TTBK2: variants seen among roughly 807,000 people sequenced by gnomAD.
TTBK2 encodes tau-tubulin kinase 2.
Under a neutral mutation model 110.8 loss-of-function variants are expected in TTBK2, and 28 were observed. That is an observed-to-expected ratio of 0.25 (90% CI 0.19 to 0.35). The LOEUF is 0.35. TTBK2 is among the 10% of genes least tolerant of loss of function. The pLI, the probability that TTBK2 is intolerant of heterozygous loss-of-function variation, is 1.00. For synonymous variants in TTBK2, 532 were observed against 527.3 expected, an observed-to-expected ratio of 1.01 and a Z score of -0.12; for missense variants, 1,369 against 1,500.3, an observed-to-expected ratio of 0.91 and a Z score of 1.45.
At chr15:42,891,691 C>T (rs915383740) in intron 1 of TTBK2, among the ~76,000 whole-genome samples, 1 of 152,096 alleles carries the variant, frequency 6.6e-6, no homozygotes, top group Non-Finnish European at 1.5e-5. Flanking sequence ...TCTGATTGTT[C>T]ATTTGTATCC....
In TTBK2 at chr15:42,751,961, CACA is replaced by C. The variant is rs2061871699; in HGVS notation, c.3272+10_3272+12del. ...TGTTACACACTTAACACAGGGAGAG[CACA>C]CAGCATTACCTGGCTTCTACTCCAG... On this transcript the variant is annotated intron_variant, in intron 14 of 14. Coordinates refer to ENST00000267890, the MANE Select transcript of TTBK2 (RefSeq NM_173500.4). 1 of 1,614,024 alleles carries C rather than the reference CACA, an allele frequency of 6.2e-7. No homozygotes were observed. Among genetic ancestry groups the C allele is most frequent in the African/African-American group, 1.3e-5 (1 of 75,024 alleles).
chr15:42,903,988 A>G (rs1290604080), intron 1 of TTBK2, among the ~76,000 whole-genome samples: 1 of 152,198 alleles, frequency 6.6e-6, no homozygotes, highest in East Asian at 1.9e-4. Context: ...ACCAATAGCT[A>G]GCAAGGAACT....
At chr15:42,841,757 G>C (rs77857425) in intron 3 of TTBK2, among the ~76,000 whole-genome samples, 2,474 of 152,182 alleles carry the variant, frequency 0.016, 67 homozygotes, top group African/African-American at 0.056. Flanking sequence ...AGATAAATCT[G>C]ACCAATATTA....
chr15:42,802,425 G>A (rs771842856), intron 9 of TTBK2: 9 of 720,402 alleles, frequency 1.2e-5, no homozygotes, highest in East Asian at 1.0e-4. Context: ...CAGGCGGGCC[G>A]AACCAGACGG....
intron 3 of TTBK2, among the ~76,000 whole-genome samples, chr15:42,851,887 CT>C (rs1388795637): frequency 6.6e-6 from 1 of 152,014 alleles, no homozygotes; most frequent in East Asian, 1.9e-4. Flanking sequence ...ACCATTTACA[CT>C]CTTAAAAATG....
In TTBK2 at chr15:42,752,844, T is replaced by A. The variant is rs1000137687; in HGVS notation, c.2402A>T (p.Glu801Val). The A allele has an allele frequency of 2.5e-6, 4 of 1,614,100 alleles. No homozygotes were observed. The African/African-American group carries it at 5.3e-5, about 22-fold the overall frequency. Residue 801 changes from glutamate to valine, a missense_variant, in exon 14 of 15, where the codon GAG (glutamate) becomes GTG (valine). By Grantham distance (121) the Glu-to-Val change is moderately radical. Transcript: ENST00000267890. ...CAAATCTCCTGGGAGAGAGGAGATC[T>A]CAATACAATGCTGCCCTCTACTTAA... ...EKLSRGQHCI[E>V]ISSLPGDLVI...
intron 3 of TTBK2, 175 bp from the exon 4 acceptor site, chr15:42,840,608 A>C: frequency 1.4e-6 from 1 of 716,664 alleles, no homozygotes; most frequent in Non-Finnish European, 2.6e-6. Context: ...CCTCCCAGGC[A>C]CTGTACTATT....
intron 3 of TTBK2, among the ~76,000 whole-genome samples, chr15:42,857,778 C>T (rs1287959438): frequency 6.6e-6 from 1 of 151,748 alleles, no homozygotes; most frequent in East Asian, 1.9e-4. Flanking sequence ...ACTTTCTATG[C>T]TCTAGTAAGT....
chr15:42,850,045 C>T (rs1306508919), intron 3 of TTBK2, among the ~76,000 whole-genome samples: 2 of 152,056 alleles, frequency 1.3e-5, no homozygotes, highest in Non-Finnish European at 2.9e-5. Context: ...AGAAAAAAAG[C>T]AGTGGGGATT....
intron 1 of TTBK2, among the ~76,000 whole-genome samples, chr15:42,879,787 G>A (rs1286614390): frequency 2.0e-5 from 3 of 151,942 alleles, no homozygotes; most frequent in South Asian, 2.1e-4. Context: ...GCTTGAGCCC[G>A]GGAGTTTGAG....
chr15:42,900,772 G>A (rs1328275554), intron 1 of TTBK2, among the ~76,000 whole-genome samples: 1 of 152,148 alleles, frequency 6.6e-6, no homozygotes, highest in Non-Finnish European at 1.5e-5. Flanking sequence ...TTATTTTCTG[G>A]TGGATGGGGG....
chr15:42,786,167 T>TC, intron 10 of TTBK2, among the ~76,000 whole-genome samples: 1 of 152,218 alleles, frequency 6.6e-6, no homozygotes, highest in Non-Finnish European at 1.5e-5. Flanking sequence ...AGTAAAGTAG[T>TC]ATCTGTAGTT....
chr15:42,829,359 T>C lies in TTBK2; in HGVS notation c.432+579A>G, dbSNP rs375394380. Among the ~76,000 whole-genome samples the C allele has an allele frequency of 1.3e-4, 20 of 152,348 alleles. No individual in the cohort carries two copies. The East Asian group carries it at 3.7e-3, about 28-fold the overall frequency. On this transcript the variant is annotated intron_variant, in intron 5 of 14. Transcript: ENST00000267890. ...ATAAGGTCTTTCACAACTGATGATT[T>C]CTTATAATTTTTGACTTAACAAATA...
chr15:42,806,943 A>T (rs532732703), intron 9 of TTBK2, among the ~76,000 whole-genome samples: 1 of 152,116 alleles, frequency 6.6e-6, no homozygotes, highest in East Asian at 1.9e-4. Flanking sequence ...TGGGCCTTAC[A>T]TGGTAGCTTT....
At chr15:42,844,894 C>G (rs1893383844) in intron 3 of TTBK2, among the ~76,000 whole-genome samples, 1 of 152,172 alleles carries the variant, frequency 6.6e-6, no homozygotes, top group Non-Finnish European at 1.5e-5. Flanking sequence ...GGACGACCTA[C>G]TATATGCCAA....
At chr15:42,764,271 C>G (rs1595887757) in intron 13 of TTBK2, among the ~76,000 whole-genome samples, 1 of 152,196 alleles carries the variant, frequency 6.6e-6, no homozygotes, top group African/African-American at 2.4e-5. Flanking sequence ...GTGGGTCCAG[C>G]CCATGGAGGG....
Position 42,830,097 on chromosome 15 carries a change from CA to C in TTBK2, c.292-20del. 7 of 1,613,944 alleles carry C rather than the reference CA, an allele frequency of 4.3e-6. No homozygotes were observed. Among genetic ancestry groups the C allele is most frequent in the Non-Finnish European group, 4.2e-6 (5 of 1,179,916 alleles). The stretch of plus-strand genomic sequence containing the variant: ...TCCGACCCTATGGAAATCAAATAAA[CA>C]CTTTCAAATACAGTACTAAAACTAT... On this transcript the variant is annotated intron_variant, in intron 4 of 14. Coordinates refer to ENST00000267890, the MANE Select transcript of TTBK2 (RefSeq NM_173500.4).
At position 42,811,733 on chromosome 15, in the gene TTBK2, C is replaced by T; in HGVS notation, c.651G>A (p.Val217=). The change falls in exon 8 of 15, where the codon GTG becomes GTA. Residue 217 remains valine (V), a synonymous_variant. Transcript: ENST00000267890. The part of the protein sequence containing the change: ...DDLWSLFYML[V]EFVVGQLPWR... ...AGGGCAGCTGACCAACCACAAACTC[C>T]ACCAACATGTAGAATAAGGACCAAA... The T allele has an allele frequency of 1.2e-6, 2 of 1,613,746 alleles. No homozygotes were observed. Among genetic ancestry groups the T allele is most frequent in the East Asian group, 2.2e-5 (1 of 44,790 alleles).
intron 5 of TTBK2, 61 bp from the exon 6 acceptor site, chr15:42,828,093 C>T: frequency 7.7e-7 from 1 of 1,294,246 alleles, no homozygotes; most frequent in Non-Finnish European, 1.1e-6. Context: ...TACATTTTAT[C>T]ATTCTTACAT....
Sources: gnomAD v4.1 joint callset for allele counts (sites outside exome capture counted in the v4.1 genomes callset) on GRCh38, gnomAD v4.1.1 for gene constraint, MANE v1.5 for transcripts, NCBI Gene and HGNC (gene_info 2026-07-23, HGNC 2026-07-21) for gene names.